PKHD1: variants seen among roughly 807,000 people sequenced by gnomAD.
The protein encoded by PKHD1 is PKHD1 ciliary IPT domain containing fibrocystin/polyductin, also known as fibrocystin.
PKHD1 carries 291 observed loss-of-function variants against 412.0 expected under a neutral mutation model. The ratio of observed to expected loss-of-function variants is 0.71; its 90% CI spans 0.64 to 0.78. The LOEUF (loss-of-function observed/expected upper bound fraction) is 0.78. Ranked by LOEUF, PKHD1 falls within the 30% of genes least tolerant of loss-of-function variation. The probability of loss-of-function intolerance (pLI) is 0.00; values close to 1 mark genes in which losing one functional copy is unlikely to be tolerated. For synonymous variants in PKHD1, 1,777 were observed against 1,821.5 expected, an observed-to-expected ratio of 0.98 and a Z score of 0.62; for missense variants, 4,825 against 4,950.7, an observed-to-expected ratio of 0.97 and a Z score of 0.76.
intron 37 of PKHD1, among the ~76,000 whole-genome samples, chr6:51,931,770 G>A (rs572104968): frequency 1.3e-5 from 2 of 152,204 alleles, no homozygotes; most frequent in East Asian, 3.9e-4. Flanking sequence ...ATGCTTTGGG[G>A]AATGTTTAAC....
chr6:51,929,729 T>C (rs1786280704), intron 37 of PKHD1, among the ~76,000 whole-genome samples: 1 of 152,246 alleles, frequency 6.6e-6, no homozygotes, highest in African/African-American at 2.4e-5. Flanking sequence ...AGCTTGCTTA[T>C]TTAGACCACT....
At chr6:52,070,552 C>T (rs1810455515) in intron 9 of PKHD1, 107 bp from the exon 10 acceptor site, 4 of 795,724 alleles carry the variant, frequency 5.0e-6, no homozygotes, top group South Asian at 4.4e-5. Flanking sequence ...AATTACCACC[C>T]AAACCTGTAA....
intron 22 of PKHD1, among the ~76,000 whole-genome samples, chr6:52,049,503 C>A (rs1806424205): frequency 6.6e-6 from 1 of 152,136 alleles, no homozygotes; most frequent in Non-Finnish European, 1.5e-5. Context: ...CATATACATA[C>A]ATCAAAGGCA....
chr6:51,759,702 C>T (rs1787659699), intron 55 of PKHD1, among the ~76,000 whole-genome samples: 1 of 152,122 alleles, frequency 6.6e-6, no homozygotes, highest in Non-Finnish European at 1.5e-5. Context: ...TTAAGGCTTA[C>T]ACTGTGCCAG....
intron 35 of PKHD1, among the ~76,000 whole-genome samples, chr6:51,978,732 T>C (rs1794771982): frequency 6.6e-6 from 1 of 152,166 alleles, no homozygotes. Flanking sequence ...ACACTGTAAG[T>C]CCCAGGCATA....
intron 65 of PKHD1, among the ~76,000 whole-genome samples, chr6:51,630,644 A>G (rs1767814893): frequency 6.6e-6 from 1 of 152,200 alleles, no homozygotes; most frequent in Admixed American, 6.6e-5. Flanking sequence ...ATTGAAAATG[A>G]CAGGCACAGA....
chr6:51,831,627 T>C (rs1377569363), intron 51 of PKHD1, among the ~76,000 whole-genome samples: 1 of 152,134 alleles, frequency 6.6e-6, no homozygotes, highest in Non-Finnish European at 1.5e-5. Context: ...CTTCTTCAAA[T>C]ACATTCCTCA....
intron 43 of PKHD1, among the ~76,000 whole-genome samples, chr6:51,896,174 A>G (rs2127588949): frequency 6.6e-6 from 1 of 152,256 alleles, no homozygotes; most frequent in East Asian, 1.9e-4. Context: ...CCACAGCTCA[A>G]GGAGGCCTGC....
In PKHD1 at chr6:51,638,951, T is replaced by C; in HGVS notation, c.11404A>G (p.Thr3802Ala). ...TAACCATCTTGAGTTTCTGCCTGGG[T>C]GCACCCTACAAAAAAGTACAAAACA... ...GASDSVLKGC[T>A]QAETQDGYVS... is the part of the protein sequence containing the mutation. The change falls in exon 64 of 67, where the codon ACC becomes GCC. Residue 3802 changes from threonine (T) to alanine (A), a missense_variant. Thr to Ala is a moderately conservative substitution (Grantham distance 58). Coordinates refer to ENST00000371117, the MANE Select transcript of PKHD1 (RefSeq NM_138694.4). 2 of 1,611,404 alleles carry C rather than the reference T, an allele frequency of 1.2e-6. No homozygotes were observed. Among genetic ancestry groups the C allele is most frequent in the Non-Finnish European group, 1.7e-6 (2 of 1,177,574 alleles).
At chr6:52,086,111 GTGTGTA>G (rs943778566) in intron 1 of PKHD1, among the ~76,000 whole-genome samples, 10 of 147,766 alleles carry the variant, frequency 6.8e-5, no homozygotes, top group African/African-American at 2.5e-4. Flanking sequence ...CACAAAGTGT[GTGTGTA>G]TGTGTGTGTG....
At chr6:51,910,448 A>G (rs1349879955) in intron 39 of PKHD1, among the ~76,000 whole-genome samples, 1 of 152,168 alleles carries the variant, frequency 6.6e-6, no homozygotes, top group Admixed American at 6.6e-5. Flanking sequence ...TGTGCCACTG[A>G]TCCATAAGAT....
At chr6:51,772,853 TAA>T (rs1364218283) in intron 54 of PKHD1, 64 bp from the exon 55 acceptor site, 26 of 892,492 alleles carry the variant, frequency 2.9e-5, no homozygotes, top group Non-Finnish European at 4.6e-5. Flanking sequence ...GCCAGGTAAG[TAA>T]AAGTCATTCC....
At chr6:51,776,788 T>C (rs73428016) in intron 53 of PKHD1, among the ~76,000 whole-genome samples, 1,741 of 152,160 alleles carry the variant, frequency 0.011, 31 homozygotes, top group African/African-American at 0.04. Context: ...TAAAGACTCA[T>C]AAAGACATAA....
intron 36 of PKHD1, among the ~76,000 whole-genome samples, chr6:51,936,688 G>T (rs575686015): frequency 2.0e-5 from 3 of 152,166 alleles, no homozygotes; most frequent in Non-Finnish European, 4.4e-5. Context: ...AGGCCATGAC[G>T]GGGAGTGTCA....
intron 60 of PKHD1, among the ~76,000 whole-genome samples, chr6:51,686,325 G>C (rs1218074235): frequency 3.3e-5 from 5 of 152,226 alleles, no homozygotes; most frequent in Middle Eastern, 3.4e-3. Flanking sequence ...CTCTGACTTT[G>C]TCTTCTGCTA....
intron 1 of PKHD1, among the ~76,000 whole-genome samples, chr6:52,086,156 G>T (rs577059151): frequency 1.8e-4 from 27 of 149,892 alleles, no homozygotes; most frequent in Admixed American, 1.1e-3. Flanking sequence ...TGTCATTTGG[G>T]CTGGAGTGCA....
intron 36 of PKHD1, among the ~76,000 whole-genome samples, chr6:51,936,376 T>A (rs1023865555): frequency 5.3e-5 from 8 of 152,296 alleles, no homozygotes; most frequent in Non-Finnish European, 1.2e-4. Context: ...AAAAGGCAGA[T>A]TCTACTATAA....
chr6:52,006,344 G>T (rs1581705120), intron 35 of PKHD1, among the ~76,000 whole-genome samples: 1 of 147,504 alleles, frequency 6.8e-6, no homozygotes, highest in African/African-American at 2.5e-5. Flanking sequence ...CTGATTTTTT[G>T]GTTTGTTTTT....
At chr6:52,076,830 C>CA (rs1390621377) in intron 5 of PKHD1, among the ~76,000 whole-genome samples, 2 of 151,964 alleles carry the variant, frequency 1.3e-5, no homozygotes, top group East Asian at 1.9e-4. Context: ...CAGTAAGCTA[C>CA]AAAAAAATGA....
Sources: gnomAD v4.1 joint callset for allele counts (sites outside exome capture counted in the v4.1 genomes callset) on GRCh38, gnomAD v4.1.1 for gene constraint, MANE v1.5 for transcripts, NCBI Gene and HGNC (gene_info 2026-07-23, HGNC 2026-07-21) for gene names.